Variants in ABLIM1 observed in about 807,000 individuals in gnomAD.
The protein encoded by ABLIM1 is actin-binding LIM protein 1.
Under a neutral mutation model 107.0 loss-of-function variants are expected in ABLIM1, and 40 were observed. That is an observed-to-expected ratio of 0.37 (90% confidence interval 0.29 to 0.49). ABLIM1 has a LOEUF of 0.49. Ranked by LOEUF, ABLIM1 falls within the 20% of genes least tolerant of loss-of-function variation. The pLI is 0.97. For synonymous variants in ABLIM1, 357 were observed against 357.3 expected (o/e 1.00, Z 0.01); for missense variants, 857 against 1,008.5 (o/e 0.85, Z 2.04).
At chr10:114,783,602 TAGAA>T in the ABLIM1 span, among the ~76,000 whole-genome samples, 1 of 151,236 alleles carries the variant, frequency 6.6e-6, no homozygotes, top group African/African-American at 2.4e-5. Context: ...GGAGTTAAGA[TAGAA>T]AGAAAACCAG....
chr10:114,738,105 G>C (rs1446149499), intron 1 of ABLIM1, among the ~76,000 whole-genome samples: 2 of 152,136 alleles, frequency 1.3e-5, no homozygotes, highest in African/African-American at 4.8e-5. Flanking sequence ...CTGGAGTGCA[G>C]TGGCGCGATC....
chr10:114,453,501 G>GA lies in ABLIM1; in HGVS notation c.1442-19dup. 1 of 1,499,468 alleles carries GA rather than the reference G, an allele frequency of 6.7e-7. No homozygotes were observed. The highest frequency in any genetic ancestry group is 8.9e-7 in the Non-Finnish European group (1 of 1,118,556). The allele number at this position is 1,499,468 out of a possible 1,614,324, so 92.9% of individuals were successfully genotyped here. On this transcript the variant is annotated intron_variant, in intron 12 of 22. Transcript: ENST00000533213. Reference sequence around the variant, plus strand: ...CTCATTGCCTCCAATGAGAAGAATGGAAAAAACAAAATGAGAGAAGGGAGA... The same window carrying GA: ...CTCATTGCCTCCAATGAGAAGAATGGAAAAAAACAAAATGAGAGAAGGGAGA...
chr10:114,561,947 T>C (rs1466029459), intron 4 of ABLIM1, among the ~76,000 whole-genome samples: 4 of 152,220 alleles, frequency 2.6e-5, no homozygotes, highest in Admixed American at 6.5e-5. Flanking sequence ...GGGATCTTGA[T>C]GTCTGGGTCA....
intron 1 of ABLIM1, chr10:114,690,177 T>C (rs954651008): frequency 2.0e-5 from 28 of 1,389,052 alleles, no homozygotes; most frequent in African/African-American, 7.1e-5. Flanking sequence ...AATGGTGATT[T>C]TCTTGCTGGT....
At chr10:114,667,856 C>A (rs984298253) in intron 1 of ABLIM1, among the ~76,000 whole-genome samples, 1 of 152,142 alleles carries the variant, frequency 6.6e-6, no homozygotes, top group Non-Finnish European at 1.5e-5. Flanking sequence ...AGCATGTACC[C>A]CAATGCAAAA....
chr10:114,791,545 G>A, the ABLIM1 span, among the ~76,000 whole-genome samples: 4 of 152,104 alleles, frequency 2.6e-5, no homozygotes, highest in Non-Finnish European at 5.9e-5. Flanking sequence ...GGCTGAGGCA[G>A]GAGAATGGCG....
intron 14 of ABLIM1, 129 bp downstream of exon 14, chr10:114,451,495 G>T: frequency 1.2e-6 from 1 of 843,996 alleles, no homozygotes; most frequent in South Asian, 1.3e-5. Flanking sequence ...AGACCAGAAA[G>T]GCATAATATG....
intron 12 of ABLIM1, among the ~76,000 whole-genome samples, chr10:114,454,056 T>C (rs548968839): frequency 2.0e-5 from 3 of 152,314 alleles, no homozygotes; most frequent in African/African-American, 7.2e-5. Flanking sequence ...CTTTGAAATA[T>C]ATAAAATAGA....
intron 2 of ABLIM1, among the ~76,000 whole-genome samples, chr10:114,590,332 A>G (rs2074717266): frequency 6.6e-6 from 1 of 152,138 alleles, no homozygotes; most frequent in Non-Finnish European, 1.5e-5. Flanking sequence ...GCTAGACCCC[A>G]ACCACGGAGA....
At chr10:114,565,372 A>C (rs2138504183) in intron 4 of ABLIM1, among the ~76,000 whole-genome samples, 1 of 152,358 alleles carries the variant, frequency 6.6e-6, no homozygotes, top group East Asian at 1.9e-4. Flanking sequence ...AGAGTCACAA[A>C]ATGTGGGAAC....
chr10:114,525,710 C>G (rs1417551589), intron 6 of ABLIM1, among the ~76,000 whole-genome samples: 1 of 152,204 alleles, frequency 6.6e-6, no homozygotes, highest in Non-Finnish European at 1.5e-5. Flanking sequence ...CTTAACATTC[C>G]TTATGAGGCT....
chr10:114,636,232 T>C (rs1226995444), intron 1 of ABLIM1, among the ~76,000 whole-genome samples: 1 of 151,916 alleles, frequency 6.6e-6, no homozygotes, highest in African/African-American at 2.4e-5. Flanking sequence ...GTGGAGGTAA[T>C]AGGGCAAGAA....
intron 1 of ABLIM1, among the ~76,000 whole-genome samples, chr10:114,699,157 T>G (rs545751420): frequency 1.3e-5 from 2 of 149,024 alleles, no homozygotes; most frequent in Non-Finnish European, 3.0e-5. Context: ...ATTAAAAATC[T>G]GTATAAAAAA....
intron 1 of ABLIM1, among the ~76,000 whole-genome samples, chr10:114,724,272 T>TG (rs1276656302): frequency 6.6e-6 from 1 of 152,126 alleles, no homozygotes; most frequent in East Asian, 1.9e-4. Context: ...TGCTTAATTT[T>TG]GGGGGGCCTC....
intron 6 of ABLIM1, among the ~76,000 whole-genome samples, chr10:114,510,223 A>C (rs979646471): frequency 2.0e-5 from 3 of 152,176 alleles, no homozygotes; most frequent in Non-Finnish European, 4.4e-5. Context: ...TAGAATCAAC[A>C]GGGTAGTTTT....
At chr10:114,577,080 G>A (rs895545466) in intron 2 of ABLIM1, among the ~76,000 whole-genome samples, 1 of 152,118 alleles carries the variant, frequency 6.6e-6, no homozygotes, top group Non-Finnish European at 1.5e-5. Flanking sequence ...AGGCAGTCTG[G>A]GGGTAGCGGG....
chr10:114,735,716 C>T (rs530838079), intron 1 of ABLIM1, among the ~76,000 whole-genome samples: 2 of 152,306 alleles, frequency 1.3e-5, no homozygotes, highest in Admixed American at 6.5e-5. Flanking sequence ...GATCTGCCCC[C>T]CTCGGCCTCC....
At chr10:114,790,896 C>T in the ABLIM1 span, among the ~76,000 whole-genome samples, 2 of 152,042 alleles carry the variant, frequency 1.3e-5, no homozygotes, top group African/African-American at 4.8e-5. Context: ...CACACAAATG[C>T]CCTAAAATTG....
At chr10:114,560,557 AG>A (rs768583154) in intron 4 of ABLIM1, among the ~76,000 whole-genome samples, 4 of 152,226 alleles carry the variant, frequency 2.6e-5, no homozygotes, top group Non-Finnish European at 5.9e-5. Flanking sequence ...CATGCTATAC[AG>A]GTTTGTAGCC....
Sources: allele counts gnomAD v4.1 joint callset (sites outside exome capture counted in the v4.1 genomes callset), GRCh38; gene constraint gnomAD v4.1.1; transcripts MANE v1.5; gene names NCBI Gene and HGNC (gene_info 2026-07-23, HGNC 2026-07-21).